Variants in TPR observed in about 807,000 individuals in gnomAD.
The protein encoded by TPR is nucleoprotein TPR.
In TPR, 51 loss-of-function variants were observed where a neutral mutation model predicts 316.1. The ratio of observed to expected loss-of-function variants is 0.16; its 90% CI spans 0.13 to 0.20. TPR has a LOEUF of 0.20. Ranked by LOEUF, TPR falls within the 10% of genes least tolerant of loss-of-function variation. The pLI is 1.00. For synonymous variants in TPR, 981 were observed against 914.7 expected (o/e 1.07, Z -1.31); for missense variants, 2,272 against 2,754.8 (o/e 0.82, Z 3.92).
chr1:186,333,376 G>T lies in TPR; in HGVS notation c.5201C>A (p.Pro1734His), dbSNP rs1658233346. Residue 1734 changes from proline to histidine, a missense_variant, in exon 37 of 51, where the codon CCT becomes CAT. Pro to His is a moderately conservative substitution (Grantham distance 77). Coordinates refer to ENST00000367478, the MANE Select transcript of TPR (RefSeq NM_003292.3). ...TCCAAAAACTGGAACATGTTCCACA[G>T]GCCCTTCTGACTGCATAGCTGAAAA... Reference protein sequence around the residue: ...ESQEAMQSEGPVEHVPVFGST... With the variant: ...ESQEAMQSEGHVEHVPVFGST... 2 of 1,613,388 alleles carry T rather than the reference G, an allele frequency of 1.2e-6. No homozygotes were observed. Among genetic ancestry groups the T allele is most frequent in the East Asian group, 4.5e-5 (2 of 44,862 alleles).
chr1:186,370,951 T>C lies in TPR; in HGVS notation c.330+19A>G. 1 of 1,599,610 alleles carries C rather than the reference T, an allele frequency of 6.3e-7. No homozygotes were observed. Among genetic ancestry groups the C allele is most frequent in the Non-Finnish European group, 8.6e-7 (1 of 1,167,848 alleles). On this transcript the variant is annotated intron_variant, in intron 3 of 50. Coordinates refer to ENST00000367478, the MANE Select transcript of TPR (RefSeq NM_003292.3). ...AGTAAAATGTCTACAATGAGCTTAT[T>C]CTAAGAAATATCTCTTACCTGAATG...
intron 42 of TPR, among the ~76,000 whole-genome samples, chr1:186,324,266 A>G (rs756019172): frequency 1.3e-5 from 2 of 152,204 alleles, no homozygotes; most frequent in Non-Finnish European, 2.9e-5. Flanking sequence ...AAATAAAACT[A>G]AAATTAACAT....
chr1:186,344,646 A>G (rs1658622118), intron 24 of TPR, 68 bp from the exon 25 acceptor site: 1 of 1,218,818 alleles, frequency 8.2e-7, no homozygotes, highest in Admixed American at 2.8e-5. Context: ...GCACTTGTCC[A>G]AAGATACACA....
Position 186,347,394 on chromosome 1 carries a change from C to G in TPR, c.2841G>C (p.Gln947His), listed in dbSNP as rs371184513. The G allele has an allele frequency of 6.2e-7, 1 of 1,613,878 alleles. No homozygotes were observed. Among genetic ancestry groups the G allele is most frequent in the African/African-American group, 1.3e-5 (1 of 74,878 alleles). ...LVSQLRQTEEQVNDLKERLKT... is the reference protein window; with the variant it reads ...LVSQLRQTEEHVNDLKERLKT... ...TGAGTCTCTCCTTTAAGTCATTCAC[C>G]TGCTCTTCTGTCTGTCTTAGCTGAC... The change falls in exon 22 of 51, where the codon CAG becomes CAC. Residue 947 changes from glutamine to histidine, a missense_variant. This residue lies in a region of TPR where 757 missense variants were observed against 859.8 expected (regional missense o/e 0.88). Transcript: ENST00000367478.
At chr1:186,326,443 TCTAA>T (rs1260572948) in intron 40 of TPR, among the ~76,000 whole-genome samples, 1 of 152,130 alleles carries the variant, frequency 6.6e-6, no homozygotes, top group African/African-American at 2.4e-5. Flanking sequence ...AATTCTGAAT[TCTAA>T]CTGTTTGCAT....
Position 186,313,871 on chromosome 1 carries a change from G to C in TPR, c.*100C>G. The C allele has an allele frequency of 6.9e-7, 1 of 1,458,452 alleles. No individual in the cohort carries two copies. Among genetic ancestry groups the C allele is most frequent in the Non-Finnish European group, 9.6e-7 (1 of 1,040,450 alleles). The allele number at this position is 1,458,452 out of a possible 1,614,324, so 90.3% of individuals were successfully genotyped here. ...TTATTAATAAAGAATATTGACATGA[G>C]TATACCAGTTTATATATAAAAATGT... On this transcript the variant is annotated 3_prime_UTR_variant, in exon 51 of 51. Coordinates refer to ENST00000367478, the MANE Select transcript of TPR (RefSeq NM_003292.3).
intron 6 of TPR, 80 bp downstream of exon 6, chr1:186,362,757 A>T: frequency 8.0e-7 from 1 of 1,255,644 alleles, no homozygotes; most frequent in South Asian, 1.5e-5. Flanking sequence ...GGTACACACT[A>T]CTGAATACAT....
intron 17 of TPR, among the ~76,000 whole-genome samples, 167 bp downstream of exon 17, chr1:186,355,243 G>C (rs1305944772): frequency 6.6e-6 from 1 of 151,942 alleles, no homozygotes; most frequent in African/African-American, 2.4e-5. Context: ...GCACTGCCTA[G>C]AGAATCATTA....
intron 4 of TPR, among the ~76,000 whole-genome samples, chr1:186,365,655 C>G (rs1054287006): frequency 6.6e-6 from 1 of 152,174 alleles, no homozygotes; most frequent in Non-Finnish European, 1.5e-5. Context: ...ACTGAAGAGG[C>G]CATCCCTTCT....
Position 186,320,412 on chromosome 1 carries a change from C to A in TPR, c.6468G>T (p.Pro2156=), listed in dbSNP as rs200514250. 9 of 1,606,008 alleles carry A rather than the reference C, an allele frequency of 5.6e-6. No homozygotes were observed. In the East Asian group the frequency reaches 1.8e-4, roughly 32 times the overall value. ...GGAATCTAGGGACACCAGCAACCTG[C>A]GGCGAACTAAATGGACAAAAACTAA... ...TDGFAEAIHS[P]QVAGVPRFRF... is the part of the protein sequence containing the mutation. The change falls in exon 46 of 51, where the codon CCG becomes CCT. Residue 2156 remains proline (P), a synonymous_variant. Transcript: ENST00000367478.
Position 186,360,108 on chromosome 1 carries a change from C to T in TPR, c.1192-112G>A, listed in dbSNP as rs1659139751. The T allele has an allele frequency of 1.1e-5, 14 of 1,308,706 alleles. No homozygotes were observed. The East Asian group carries it at 3.3e-4, about 31-fold the overall frequency. The allele number at this position is 1,308,706 out of a possible 1,614,324, so 81.1% of individuals were successfully genotyped here. On this transcript the variant is annotated intron_variant, in intron 11 of 50. Coordinates refer to ENST00000367478, the MANE Select transcript of TPR (RefSeq NM_003292.3). ...CACTAACACAAAATGGCAATGTTTA[C>T]TATGTTAGTTACACAGCACTAGGAA...
At chr1:186,335,042 C>T in intron 35 of TPR, 26 bp downstream of exon 35, 1 of 1,602,376 alleles carries the variant, frequency 6.2e-7, no homozygotes, top group Non-Finnish European at 8.5e-7. Context: ...AGAAAAATAA[C>T]AGACTATGAA....
intron 50 of TPR, chr1:186,314,395 A>C: frequency 2.8e-6 from 1 of 357,956 alleles, no homozygotes; most frequent in Non-Finnish European, 5.0e-6. Context: ...TTTGGATTTA[A>C]GGAAGAAATC....
rs1304000492 is a variant in TPR at position 186,362,380 on chromosome 1, C to A, written c.697G>T (p.Val233Phe). 1 of 1,608,318 alleles carries A rather than the reference C, an allele frequency of 6.2e-7. No homozygotes were observed. Among genetic ancestry groups the A allele is most frequent in the Non-Finnish European group, 8.5e-7 (1 of 1,176,304 alleles). ...TTCATTTGTTCTTCCAGTCTAGAAA[C>A]CTAAAAACAAAAAATAGAGCAGGGG... ...KCNLENKKEE[V>F]SRLEEQMNGL... Residue 233 changes from valine (V) to phenylalanine (F), a missense_variant and splice_region_variant, in exon 7 of 51, where the codon GTT (valine) becomes TTT (phenylalanine). Val to Phe is a conservative substitution (Grantham distance 50, BLOSUM62 -1). Coordinates refer to ENST00000367478, the MANE Select transcript of TPR (RefSeq NM_003292.3).
rs1333956752 is a variant in TPR, at chr1:186,312,720, G to C, written c.*1251C>G. 2.2e-5 allele frequency: 35 copies of C among 1,589,960 alleles called. No homozygotes were observed. Among genetic ancestry groups the C allele is most frequent in the Non-Finnish European group, 2.8e-5 (33 of 1,158,798 alleles). The stretch of plus-strand genomic sequence containing the variant: ...CAGATGTCTGGCTCTTTCCAAGATA[G>C]TACATTGCCTTTTAATCTGGTATCT... On this transcript the variant is annotated 3_prime_UTR_variant, in exon 51 of 51. Transcript: ENST00000367478.
At chr1:186,374,739 G>A in intron 1 of TPR, 139 bp downstream of exon 1, 1 of 875,246 alleles carries the variant, frequency 1.1e-6, no homozygotes, top group Non-Finnish European at 1.7e-6. Flanking sequence ...GAGCAGGAAA[G>A]CGAAGGCTCA....
chr1:186,319,721 T>C (rs942511780), intron 46 of TPR, among the ~76,000 whole-genome samples: 3 of 152,162 alleles, frequency 2.0e-5, no homozygotes, highest in African/African-American at 7.2e-5. Context: ...CCAGACAGCT[T>C]CCCAGAAATA....
chr1:186,334,966 A>G, intron 35 of TPR, 102 bp downstream of exon 35: 1 of 1,197,412 alleles, frequency 8.4e-7, no homozygotes, highest in Non-Finnish European at 1.2e-6. Context: ...GTATGTTTTT[A>G]CAATAGAATA....
At chr1:186,348,883 A>G (rs1056036063) in intron 21 of TPR, among the ~76,000 whole-genome samples, 1 of 152,174 alleles carries the variant, frequency 6.6e-6, no homozygotes, top group African/African-American at 2.4e-5. Context: ...ATTGGAAAGA[A>G]TGTTTTATCA....
Sources: allele counts gnomAD v4.1 joint callset (sites outside exome capture counted in the v4.1 genomes callset), GRCh38; gene constraint gnomAD v4.1.1; regional missense constraint gnomAD v4.1.1; transcripts MANE v1.5; gene names NCBI Gene and HGNC (gene_info 2026-07-23, HGNC 2026-07-21).